The following IRAG2 variants were observed in gnomAD, a reference collection of about 807,000 sequenced individuals.
IRAG2 encodes the protein lymphoid restricted membrane protein.
Under a neutral mutation model 69.9 loss-of-function variants are expected in IRAG2, and 45 were observed. That is an observed-to-expected ratio of 0.64 (90% CI 0.51 to 0.83). The LOEUF is 0.83. Among genes scored for constraint, IRAG2 ranks in the 40% least tolerant of loss-of-function variants. The probability of loss-of-function intolerance (pLI) is 0.00; values close to 1 mark genes in which losing one functional copy is unlikely to be tolerated. For missense variants in IRAG2, 520 were observed against 587.0 expected (o/e 0.89, Z 1.18); for synonymous variants, 193 against 202.4 (o/e 0.95, Z 0.40).
intron 12 of IRAG2, chr12:25,033,812 A>G: frequency 2.5e-6 from 1 of 398,838 alleles, no homozygotes; most frequent in Non-Finnish European, 4.4e-6. Context: ...TGTTGGAGGC[A>G]CACCTAACTA....
intron 1 of IRAG2, among the ~76,000 whole-genome samples, chr12:25,053,548 A>G (rs942727086): frequency 6.6e-6 from 1 of 152,278 alleles, no homozygotes; most frequent in African/African-American, 2.4e-5. Flanking sequence ...CCAAAAGTAT[A>G]TAAACAGTTA....
At chr12:25,036,742 G>T in intron 15 of IRAG2, 1 of 398,012 alleles carries the variant, frequency 2.5e-6, no homozygotes, top group South Asian at 1.3e-4. Flanking sequence ...TGTTAAGCCA[G>T]GTAATAGTAT....
At chr12:25,095,473 C>T (rs1404469641) in intron 14 of IRAG2, among the ~76,000 whole-genome samples, 2 of 151,996 alleles carry the variant, frequency 1.3e-5, no homozygotes, top group African/African-American at 4.8e-5. Context: ...TTAAACCACC[C>T]TAACATTATA....
intron 3 of IRAG2, among the ~76,000 whole-genome samples, chr12:25,011,780 T>C (rs929091833): frequency 3.3e-5 from 5 of 152,248 alleles, no homozygotes; most frequent in East Asian, 1.9e-4. Flanking sequence ...TCCGATGATA[T>C]TGATGCTGGG....
chr12:25,023,987 T>A (rs1944603449), intron 8 of IRAG2: 1 of 907,232 alleles, frequency 1.1e-6, no homozygotes, highest in South Asian at 5.6e-5. Context: ...GGTTTATGGC[T>A]GTGGGTTAAA....
At chr12:25,035,233 A>G (rs1290624565) in intron 13 of IRAG2, among the ~76,000 whole-genome samples, 1 of 152,222 alleles carries the variant, frequency 6.6e-6, no homozygotes, top group East Asian at 1.9e-4. Context: ...TGAGAGAAGT[A>G]TAGGGAATGT....
chr12:25,102,492 G>C (rs1194454981), intron 17 of IRAG2: 3 of 462,414 alleles, frequency 6.5e-6, no homozygotes, highest in Non-Finnish European at 1.2e-5. Flanking sequence ...AGTTGGAAGT[G>C]GGTAACCCGA....
At chr12:25,078,006 G>T (rs1057332065) in intron 6 of IRAG2, among the ~76,000 whole-genome samples, 3 of 152,128 alleles carry the variant, frequency 2.0e-5, no homozygotes, top group Non-Finnish European at 4.4e-5. Flanking sequence ...CTAGGTTAGG[G>T]TATGCCCAAG....
At chr12:25,072,000 T>G (rs1946371433) in intron 6 of IRAG2, among the ~76,000 whole-genome samples, 1 of 151,954 alleles carries the variant, frequency 6.6e-6, no homozygotes. Context: ...GGTCAGGAGT[T>G]TGAGACCAGC....
intron 14 of IRAG2, among the ~76,000 whole-genome samples, chr12:25,095,338 GT>G (rs993163330): frequency 6.6e-6 from 1 of 151,958 alleles, no homozygotes; most frequent in African/African-American, 2.4e-5. Flanking sequence ...TAGTTTTTGT[GT>G]TTTTTAATCA....
At chr12:25,010,665 A>G (rs1384631283) in intron 2 of IRAG2, among the ~76,000 whole-genome samples, 7 of 151,834 alleles carry the variant, frequency 4.6e-5, no homozygotes, top group African/African-American at 1.7e-4. Flanking sequence ...TTCTGATGTC[A>G]TGGTCTATCC....
chr12:25,090,794 T>C (rs181806952), intron 14 of IRAG2: 1 of 451,612 alleles, frequency 2.2e-6, no homozygotes, highest in Admixed American at 2.4e-5. Context: ...ATCTGCCTTT[T>C]CTCTGGATTT....
At chr12:25,050,420 C>A (rs1460689107), upstream of IRAG2, among the ~76,000 whole-genome samples, 1 of 150,886 alleles carries the variant, frequency 6.6e-6, no homozygotes, top group Non-Finnish European at 1.5e-5. Context: ...TCCCAGCTAC[C>A]CGGGAGGCTG....
intron 9 of IRAG2, chr12:25,030,132 G>T: frequency 2.2e-6 from 1 of 447,032 alleles, no homozygotes; most frequent in Admixed American, 4.5e-5. Context: ...CCTGCCTCTA[G>T]AGTTGGAAGG....
upstream of IRAG2, among the ~76,000 whole-genome samples, chr12:25,049,583 C>T (rs931460614): frequency 2.0e-5 from 3 of 152,122 alleles, no homozygotes; most frequent in Non-Finnish European, 2.9e-5. Flanking sequence ...CAAAAGAAGA[C>T]GATAAATGGT....
At chr12:25,083,616 A>G in intron 10 of IRAG2, 123 bp downstream of exon 10, 1 of 595,288 alleles carries the variant, frequency 1.7e-6, no homozygotes. Flanking sequence ...TGACGTTCAT[A>G]TAATTTAATT....
rs533591990 is a variant in IRAG2, at chr12:25,052,905, G to T, written c.-498G>T. On this transcript the variant is annotated 5_prime_UTR_variant, in exon 1 of 22. Transcript: ENST00000556887. ...ACGGAACCTTCAAACTATAAATACT[G>T]AATTATCGAACACTTGCCAGGCACT... 1 of 398,436 alleles carries T rather than the reference G, an allele frequency of 2.5e-6. No individual in the cohort carries two copies. The highest frequency in any genetic ancestry group is 4.4e-5 in the Admixed American group (1 of 22,714). The allele number at this position is 398,436 out of a possible 1,614,324, so 24.7% of individuals were successfully genotyped here. A position where few individuals can be genotyped will look rare whatever the true frequency, so the allele number is the denominator to read the frequency against.
intron 3 of IRAG2, 133 bp from the exon 4 acceptor site, chr12:25,063,587 T>C: frequency 2.5e-6 from 1 of 396,196 alleles, no homozygotes; most frequent in Non-Finnish European, 4.4e-6. Flanking sequence ...CAGAATTTAT[T>C]TTCTTCTTGA....
intron 9 of IRAG2, among the ~76,000 whole-genome samples, chr12:25,027,398 C>CTTT (rs527395400): frequency 7.0e-5 from 9 of 128,478 alleles, no homozygotes; most frequent in African/African-American, 2.3e-4. Context: ...CTTTTTTTTT[C>CTTT]TTTTTTTTTT....
Sources: gnomAD v4.1 joint callset for allele counts (sites outside exome capture counted in the v4.1 genomes callset) on GRCh38, gnomAD v4.1.1 for gene constraint, MANE v1.5 for transcripts, NCBI Gene and HGNC (gene_info 2026-07-23, HGNC 2026-07-21) for gene names.